Variants in ZNF862 observed in about 807,000 individuals in gnomAD.
ZNF862 encodes zinc finger protein 862.
Under a neutral mutation model 91.1 loss-of-function variants are expected in ZNF862, and 64 were observed. That is an observed-to-expected ratio of 0.70 (90% CI 0.57 to 0.87). ZNF862 has a LOEUF of 0.87. Among genes scored for constraint, ZNF862 ranks in the 40% least tolerant of loss-of-function variants. The pLI, the probability that ZNF862 is intolerant of heterozygous loss-of-function variation, is 0.00. For synonymous variants in ZNF862, 631 were observed against 618.1 expected (o/e 1.02, Z -0.31); for missense variants, 1,459 against 1,528.0 (o/e 0.95, Z 0.75).
chr7:149,859,318 C>A, intron 5 of ZNF862, 104 bp from the exon 6 acceptor site: 3 of 1,080,176 alleles, frequency 2.8e-6, no homozygotes, highest in Non-Finnish European at 2.8e-6. Context: ...AAGGACAGAA[C>A]CCAGAGACAC....
At chr7:149,844,580 T>A in intron 1 of ZNF862, 45 bp from the exon 2 acceptor site, 1 of 1,420,176 alleles carries the variant, frequency 7.0e-7, no homozygotes. Flanking sequence ...GGAAGATAAA[T>A]CTAAGGAAGA....
At chr7:149,841,461 T>A in intron 1 of ZNF862, 1 of 977,958 alleles carries the variant, frequency 1.0e-6, no homozygotes, top group Non-Finnish European at 1.2e-6. Flanking sequence ...TAAATAAAAT[T>A]CTCATGTTCA....
At chr7:149,839,835 A>G (rs1801637752) in intron 1 of ZNF862, among the ~76,000 whole-genome samples, 1 of 152,240 alleles carries the variant, frequency 6.6e-6, no homozygotes, top group African/African-American at 2.4e-5. Flanking sequence ...CCCTTTGGAA[A>G]TATCCCCAGA....
chr7:149,847,235 T>C (rs1056297718), intron 3 of ZNF862, among the ~76,000 whole-genome samples: 2 of 152,180 alleles, frequency 1.3e-5, no homozygotes, highest in African/African-American at 2.4e-5. Flanking sequence ...TACTTTGAGG[T>C]AGAAGTATTC....
Position 149,861,342 on chromosome 7 carries a change from C to T in ZNF862, c.2182C>T (p.Arg728Trp), listed in dbSNP as rs754862738. The change falls in exon 7 of 8, where the codon CGG (arginine) becomes TGG (tryptophan). Residue 728 changes from arginine to tryptophan, a missense_variant. By Grantham distance (101) the Arg-to-Trp change is moderately radical. Transcript: ENST00000223210. This position sits in a 1 kb window ranked among gnomAD's most constrained non-coding sequence, Gnocchi z 6.7. ...QLLPVHCVAH[R>W]LHLAVVDACG... is the part of the protein sequence containing the mutation. ...GCTGCCTGTCCACTGCGTGGCCCAC[C>T]GGCTGCACCTGGCTGTGGTGGACGC... The T allele has an allele frequency of 6.4e-5, 104 of 1,612,986 alleles. No individual in the cohort carries two copies. Among genetic ancestry groups the T allele is most frequent in the Non-Finnish European group, 8.4e-5 (99 of 1,179,904 alleles).
In ZNF862 at chr7:149,848,012, A is replaced by G; in HGVS notation, c.519A>G (p.Lys173=). The part of the protein sequence containing the change: ...ACREYPSIRD[K]RSRLIEGYTG... ...GAGAATACCCCTCCATCAGGGACAA[A>G]CGGTCAAGACTAATAGAAGGTTATA... Residue 173 remains lysine, a synonymous_variant, in exon 4 of 8, where the codon AAA becomes AAG. Coordinates refer to ENST00000223210, the MANE Select transcript of ZNF862 (RefSeq NM_001099220.3). The G allele has an allele frequency of 2.5e-6, 4 of 1,613,634 alleles. No individual in the cohort carries two copies. Among genetic ancestry groups the G allele is most frequent in the Non-Finnish European group, 3.4e-6 (4 of 1,179,724 alleles).
intron 5 of ZNF862, among the ~76,000 whole-genome samples, chr7:149,853,512 C>G (rs1802141783): frequency 6.6e-6 from 1 of 152,234 alleles, no homozygotes; most frequent in African/African-American, 2.4e-5. Flanking sequence ...GAGGTACCAT[C>G]AGGGTACGGT....
intron 2 of ZNF862, among the ~76,000 whole-genome samples, chr7:149,845,874 G>T (rs878873037): frequency 2.6e-5 from 4 of 151,970 alleles, no homozygotes; most frequent in Non-Finnish European, 5.9e-5. Flanking sequence ...CTCAGTATTT[G>T]GGTTTCTGAC....
chr7:149,864,117 C>T lies in ZNF862; in HGVS notation c.3343C>T (p.Leu1115Phe). ...VPARSPASAR[L>F]RKEEMGALYV... ...TCCTTCCTCCCTCACAGGCGCCAGG[C>T]TCAGGAAGGAGGAGATGGGAGCCCT... The change falls in exon 8 of 8, where the codon CTC becomes TTC. Residue 1115 changes from leucine to phenylalanine, a missense_variant. Coordinates refer to ENST00000223210, the MANE Select transcript of ZNF862 (RefSeq NM_001099220.3). 6.3e-7 allele frequency: 1 copy of T among 1,580,668 alleles called. No individual in the cohort carries two copies. Among genetic ancestry groups the T allele is most frequent in the Admixed American group, 1.8e-5 (1 of 54,876 alleles).
At chr7:149,840,340 A>G (rs1801661602) in intron 1 of ZNF862, among the ~76,000 whole-genome samples, 1 of 152,150 alleles carries the variant, frequency 6.6e-6, no homozygotes, top group Non-Finnish European at 1.5e-5. Context: ...ACAGGTGTAC[A>G]ATGTGTGTTA....
Position 149,862,027 on chromosome 7 carries a change from C to G in ZNF862, c.2867C>G (p.Pro956Arg). The G allele has an allele frequency of 6.2e-7, 1 of 1,613,846 alleles. No individual in the cohort carries two copies. Among genetic ancestry groups the G allele is most frequent in the Non-Finnish European group, 8.5e-7 (1 of 1,179,880 alleles). Residue 956 changes from proline (P) to arginine (R), a missense_variant, in exon 7 of 8, where the codon CCA becomes CGA. By Grantham distance (103) the Pro-to-Arg change is moderately radical. Coordinates refer to ENST00000223210, the MANE Select transcript of ZNF862 (RefSeq NM_001099220.3). ...GAGGTGTTTGACACCATGGCCTGGC[C>G]AAGTGGGATTGAACTTGCCAGTTTT... ...NMEVFDTMAW[P>R]SGIELASFGN...
Position 149,865,815 on chromosome 7 carries a change from C to T in ZNF862, c.*1531C>T, listed in dbSNP as rs903791069. ...GTGCTGCAGGCCCCTGTGGGTGGGCCCTTTCTCCATAGTCTGCCGCTTCCC... is the reference window on the plus strand; with the variant it reads ...GTGCTGCAGGCCCCTGTGGGTGGGCTCTTTCTCCATAGTCTGCCGCTTCCC... On this transcript the variant is annotated 3_prime_UTR_variant, in exon 8 of 8. Transcript: ENST00000223210. 1 of 152,284 alleles carries T rather than the reference C, an allele frequency of 6.6e-6. No individual in the cohort carries two copies. The highest frequency in any genetic ancestry group is 6.5e-5 in the Admixed American group (1 of 15,282). The allele number at this position is 152,284 out of a possible 1,614,324, so 9.4% of individuals were successfully genotyped here.
At position 149,861,519 on chromosome 7, in the gene ZNF862, G is replaced by T. The variant is rs1033212710; in HGVS notation, c.2359G>T (p.Val787Phe). The T allele has an allele frequency of 1.1e-5, 17 of 1,608,060 alleles. No individual in the cohort carries two copies. The highest frequency in any genetic ancestry group is 1.4e-5 in the Non-Finnish European group (16 of 1,177,956). ...CATCCGCCTGAAGGATCTGAATGCG[G>T]TCCGCTGGGTGGCCAGCAGGAGGCG... ...EIIRLKDLNA[V>F]RWVASRRRTL... The change falls in exon 7 of 8, where the codon GTC becomes TTC. Residue 787 changes from valine to phenylalanine, a missense_variant. By Grantham distance (50) the Val-to-Phe change is conservative (BLOSUM62 -1). Coordinates refer to ENST00000223210, the MANE Select transcript of ZNF862 (RefSeq NM_001099220.3). This position sits in a 1 kb window ranked among gnomAD's most constrained non-coding sequence, Gnocchi z 6.7.
chr7:149,859,372 C>T (rs911796621), intron 5 of ZNF862, 50 bp from the exon 6 acceptor site: 10 of 1,474,816 alleles, frequency 6.8e-6, no homozygotes, highest in East Asian at 4.9e-5. Context: ...GGGGGCTACT[C>T]GATTTGGCCA....
At chr7:149,856,410 A>G (rs1357620447) in intron 5 of ZNF862, 3 of 152,154 alleles carry the variant, frequency 2.0e-5, no homozygotes, top group African/African-American at 7.2e-5. Context: ...TTGCCCAGTT[A>G]TGATTATGTG....
At position 149,864,382 on chromosome 7, in the gene ZNF862, C is replaced by T. The variant is rs1366055596; in HGVS notation, c.*98C>T. On this transcript the variant is annotated 3_prime_UTR_variant, in exon 8 of 8. Transcript: ENST00000223210. ...CTGCCCTAGGATCTTCTGCTGGTGG[C>T]GATGGTCTCTAAGCACCAGGAAGTG... is the stretch of plus-strand genomic sequence containing the variant. 8 of 1,304,616 alleles carry T rather than the reference C, an allele frequency of 6.1e-6. No homozygotes were observed. Among genetic ancestry groups the T allele is most frequent in the East Asian group, 2.5e-5 (1 of 39,454 alleles). 80.8% of individuals were successfully genotyped at this position (1,304,616 alleles called of 1,614,324 possible). A position where few individuals can be genotyped will look rare whatever the true frequency, so the allele number is the denominator to read the frequency against.
intron 1 of ZNF862, among the ~76,000 whole-genome samples, chr7:149,843,230 A>G (rs1195746748): frequency 6.6e-6 from 1 of 152,196 alleles, no homozygotes. Flanking sequence ...TTTCCTCAAG[A>G]AATGTCTACT....
intron 2 of ZNF862, 136 bp downstream of exon 2, chr7:149,844,872 C>A: frequency 1.6e-6 from 1 of 635,588 alleles, no homozygotes; most frequent in Non-Finnish European, 2.8e-6. Context: ...CCTGTCTGCT[C>A]GATCCCGTAT....
intron 2 of ZNF862, chr7:149,845,175 T>C (rs1004547481): frequency 1.3e-5 from 2 of 159,234 alleles, no homozygotes; most frequent in African/African-American, 2.4e-5. Flanking sequence ...CTTGGCCTTT[T>C]TAAGCCTGAA....
Sources: gnomAD v4.1 joint callset for allele counts (sites outside exome capture counted in the v4.1 genomes callset) on GRCh38, gnomAD v4.1.1 for gene constraint, Gnocchi (gnomAD v3.1) non-coding constraint, MANE v1.5 for transcripts, NCBI Gene and HGNC (gene_info 2026-07-23, HGNC 2026-07-21) for gene names.